CFAP61: variants seen among roughly 807,000 people sequenced by gnomAD.
The protein encoded by CFAP61 is cilia- and flagella-associated protein 61.
Under a neutral mutation model 135.6 loss-of-function variants are expected in CFAP61, and 107 were observed. That is an observed-to-expected ratio of 0.79 (90% CI 0.67 to 0.93). The LOEUF (loss-of-function observed/expected upper bound fraction) is 0.93, where lower values mean the gene tolerates loss of function less well. CFAP61 is among the 40% of genes least tolerant of loss of function. The probability of loss-of-function intolerance (pLI) is 0.00; values close to 1 mark genes in which losing one functional copy is unlikely to be tolerated. For synonymous variants in CFAP61, 575 were observed against 578.5 expected (o/e 0.99, Z 0.09); for missense variants, 1,507 against 1,556.2 (o/e 0.97, Z 0.53).
At chr20:20,298,542 G>A (rs1285662213) in intron 25 of CFAP61, among the ~76,000 whole-genome samples, 156 bp downstream of exon 25, 7 of 152,208 alleles carry the variant, frequency 4.6e-5, no homozygotes, top group African/African-American at 1.4e-4. Flanking sequence ...AACACCTGAC[G>A]CTAATGTGGG....
At position 20,288,876 on chromosome 20, in the gene CFAP61, A is replaced by C. The variant is rs748152155; in HGVS notation, c.3064A>C (p.Thr1022Pro). Residue 1022 changes from threonine to proline, a missense_variant, in exon 23 of 27, where the codon ACC becomes CCC. Transcript: ENST00000245957. ...CTTTGATCCAACCCTTGAGCCTGTG[A>C]CCGAGCCACCAGCTAATCTTGACCG... The part of the protein sequence containing the change: ...HLFDPTLEPV[T>P]EPPANLDRLI... 22 of 1,613,540 alleles carry C rather than the reference A, an allele frequency of 1.4e-5. No homozygotes were observed. The highest frequency in any genetic ancestry group is 1.8e-5 in the Non-Finnish European group (21 of 1,179,596).
rs543978556 is a variant in CFAP61 at position 20,128,357 on chromosome 20, T to C, written c.860-14500T>C. Among the ~76,000 whole-genome samples the C allele has an allele frequency of 3.9e-5, 6 of 151,904 alleles. No homozygotes were observed. The South Asian group carries it at 1.0e-3, about 26-fold the overall frequency. ...GGGAACCCAGCGAGTTCCCAGGGCC[T>C]TTCCCACTGCTTCCTCTACCCCTAT... is the stretch of plus-strand genomic sequence containing the variant. On this transcript the variant is annotated intron_variant, in intron 8 of 26. Coordinates refer to ENST00000245957, the MANE Select transcript of CFAP61 (RefSeq NM_015585.4).
chr20:20,263,053 A>C lies in CFAP61; in HGVS notation c.2426A>C (p.Asn809Thr). The C allele has an allele frequency of 6.2e-7, 1 of 1,614,000 alleles. No individual in the cohort carries two copies. Among genetic ancestry groups the C allele is most frequent in the Non-Finnish European group, 8.5e-7 (1 of 1,179,932 alleles). Residue 809 changes from asparagine to threonine, a missense_variant, in exon 21 of 27, where the codon AAC (asparagine) becomes ACC (threonine). Physicochemically the swap from Asn to Thr is moderately conservative, Grantham distance 65. Transcript: ENST00000245957. ...CGGTACACGGGGAAAGTTCCTTGCA[A>C]CCATTTCACTCTCAACGAGGAAGAG... Reference protein sequence around the residue: ...QRRYTGKVPCNHFTLNEEEDC... With the variant: ...QRRYTGKVPCTHFTLNEEEDC...
chr20:20,179,581 C>T (rs1261443186), intron 13 of CFAP61, among the ~76,000 whole-genome samples: 1 of 152,082 alleles, frequency 6.6e-6, no homozygotes, highest in East Asian at 1.9e-4. Flanking sequence ...CAAGGCAATC[C>T]TAAGCAAAAA....
intron 21 of CFAP61, among the ~76,000 whole-genome samples, chr20:20,276,814 T>G (rs950192935): frequency 2.0e-5 from 3 of 152,254 alleles, no homozygotes; most frequent in African/African-American, 4.8e-5. Context: ...AGAACTAGTA[T>G]ACATTGCCAA....
chr20:20,357,845 G>T (rs2059295768), intron 26 of CFAP61, among the ~76,000 whole-genome samples: 3 of 134,508 alleles, frequency 2.2e-5, no homozygotes, highest in Non-Finnish European at 4.8e-5. Context: ...GAGGGGAGGT[G>T]GTCACAGTGT....
At chr20:20,305,084 G>A (rs1467476583) in intron 25 of CFAP61, among the ~76,000 whole-genome samples, 1 of 152,154 alleles carries the variant, frequency 6.6e-6, no homozygotes, top group East Asian at 1.9e-4. Context: ...CTCAAAGACT[G>A]CCCTCAGACA....
chr20:20,322,856 A>C, intron 25 of CFAP61: 1 of 985,252 alleles, frequency 1.0e-6, no homozygotes, highest in Non-Finnish European at 1.2e-6. Flanking sequence ...CATTAATGAA[A>C]ATCAAATTTA....
Position 20,263,200 on chromosome 20 carries a change from T to C in CFAP61, c.2503+70T>C, listed in dbSNP as rs561101063. 14 of 1,160,110 alleles carry C rather than the reference T, an allele frequency of 1.2e-5. No homozygotes were observed. In the African/African-American group the frequency reaches 1.8e-4, roughly 15 times the overall value. 71.9% of individuals were successfully genotyped at this position (1,160,110 alleles called of 1,614,324 possible). On this transcript the variant is annotated intron_variant, in intron 21 of 26. Coordinates refer to ENST00000245957, the MANE Select transcript of CFAP61 (RefSeq NM_015585.4). ...TTTTTATAATGAGTCTCATTCTTCA[T>C]CTAGTTCCAGTATATAATTAGTGCC...
intron 15 of CFAP61, among the ~76,000 whole-genome samples, chr20:20,191,771 A>G (rs2055938932): frequency 1.3e-5 from 2 of 150,568 alleles, no homozygotes; most frequent in African/African-American, 4.9e-5. Context: ...TCTTCTTTGC[A>G]CTTTATTACA....
At position 20,117,365 on chromosome 20, in the gene CFAP61, AAAAT is replaced by A. The variant is rs61453815; in HGVS notation, c.859+18573_859+18576del. Among the ~76,000 whole-genome samples the A allele has an allele frequency of 1.3e-3, 198 of 151,448 alleles. 2 individuals carry two copies. The highest frequency in any genetic ancestry group is 4.4e-3 in the African/African-American group (181 of 41,308). On this transcript the variant is annotated intron_variant, in intron 8 of 26. Transcript: ENST00000245957. ...TCTCAAAAAATAAATTAATAAGTTA[AAAAT>A]AAATAAATAAATAAATAAATAGGCT...
At chr20:20,269,840 A>G (rs991790049) in intron 21 of CFAP61, among the ~76,000 whole-genome samples, 3 of 152,178 alleles carry the variant, frequency 2.0e-5, no homozygotes, top group South Asian at 2.1e-4. Flanking sequence ...CTGCAGTGCT[A>G]TGAGACCTGA....
At chr20:20,059,750 A>G (rs2044658918) in intron 2 of CFAP61, among the ~76,000 whole-genome samples, 2 of 152,230 alleles carry the variant, frequency 1.3e-5, no homozygotes, top group Admixed American at 1.3e-4. Context: ...AACATCCTTC[A>G]TAGACACAGT....
At chr20:20,345,943 G>A (rs201121262) in intron 26 of CFAP61, among the ~76,000 whole-genome samples, 11,059 of 124,762 alleles carry the variant, frequency 0.089, 656 homozygotes, top group East Asian at 0.23. Flanking sequence ...CGCCCAGGCC[G>A]GACTGCGGAC....
chr20:20,089,061 A>T (rs1218191966), intron 6 of CFAP61, among the ~76,000 whole-genome samples: 2 of 152,134 alleles, frequency 1.3e-5, no homozygotes, highest in Admixed American at 1.3e-4. Flanking sequence ...GGCTGGCAGG[A>T]CGATAACCTC....
intron 13 of CFAP61, among the ~76,000 whole-genome samples, chr20:20,177,931 G>T (rs1395731510): frequency 2.0e-5 from 3 of 152,040 alleles, no homozygotes; most frequent in Non-Finnish European, 4.4e-5. Context: ...CTTTAAAAAT[G>T]TATCATGTTC....
intron 25 of CFAP61, among the ~76,000 whole-genome samples, chr20:20,318,339 A>T (rs1171229355): frequency 6.6e-6 from 1 of 152,240 alleles, no homozygotes; most frequent in Non-Finnish European, 1.5e-5. Context: ...TTTTTAAAAA[A>T]ATCATTCATT....
At chr20:20,192,421 G>C (rs1441551487) in intron 15 of CFAP61, among the ~76,000 whole-genome samples, 7 of 152,080 alleles carry the variant, frequency 4.6e-5, no homozygotes, top group African/African-American at 1.7e-4. Flanking sequence ...CGTTGGGTTT[G>C]GTGGATGGAG....
At chr20:20,233,138 C>T (rs910193433) in intron 18 of CFAP61, among the ~76,000 whole-genome samples, 13 of 152,316 alleles carry the variant, frequency 8.5e-5, no homozygotes, top group Middle Eastern at 3.4e-3. Context: ...CGTGCAGTTC[C>T]GCACAATATC....
Sources: gnomAD v4.1 joint callset for allele counts (sites outside exome capture counted in the v4.1 genomes callset) on GRCh38, gnomAD v4.1.1 for gene constraint, MANE v1.5 for transcripts, NCBI Gene and HGNC (gene_info 2026-07-23, HGNC 2026-07-21) for gene names.